Variants in P2RY14 observed in about 807,000 individuals in gnomAD.
P2RY14 encodes purinergic receptor P2Y14.
Under a neutral mutation model 0.9 loss-of-function variants are expected in P2RY14, and 2 were observed. That is an observed-to-expected ratio of 2.16 (90% CI 0.88 to 6.79). The LOEUF is 6.79. Among genes scored for constraint, P2RY14 ranks in the 30% most tolerant of loss-of-function variants. The pLI is 0.05. For synonymous variants in P2RY14, 158 were observed against 147.2 expected (o/e 1.07, Z -0.53); for missense variants, 378 against 400.1 (o/e 0.94, Z 0.47).
intron 1 of P2RY14, among the ~76,000 whole-genome samples, chr3:151,244,522 G>A (rs1260566198): frequency 2.0e-5 from 3 of 149,196 alleles, no homozygotes; most frequent in East Asian, 2.0e-4. Flanking sequence ...TGACTACTGG[G>A]TACATAACGA....
At chr3:151,220,482 G>T (rs958178058) in intron 1 of P2RY14, among the ~76,000 whole-genome samples, 1 of 152,140 alleles carries the variant, frequency 6.6e-6, no homozygotes, top group African/African-American at 2.4e-5. Flanking sequence ...GTTTGGCTCT[G>T]TGTCCCCACC....
At chr3:151,230,032 C>T (rs576619462) in intron 1 of P2RY14, among the ~76,000 whole-genome samples, 5 of 152,042 alleles carry the variant, frequency 3.3e-5, no homozygotes, top group South Asian at 2.1e-4. Flanking sequence ...TGCAGTGGTG[C>T]GATCTCAGCT....
At chr3:151,261,843 G>C (rs980364944) in intron 1 of P2RY14, among the ~76,000 whole-genome samples, 4 of 152,224 alleles carry the variant, frequency 2.6e-5, no homozygotes, top group Non-Finnish European at 2.9e-5. Context: ...TTGTGCCTCA[G>C]CCTCCCGAGT....
chr3:151,228,054 G>C (rs1395606310), intron 1 of P2RY14, among the ~76,000 whole-genome samples: 1 of 152,128 alleles, frequency 6.6e-6, no homozygotes, highest in Non-Finnish European at 1.5e-5. Flanking sequence ...TTTCTTGTTG[G>C]GGTCAGACCT....
intron 1 of P2RY14, among the ~76,000 whole-genome samples, chr3:151,248,711 C>G (rs1339776192): frequency 6.6e-6 from 1 of 152,050 alleles, no homozygotes; most frequent in Non-Finnish European, 1.5e-5. Context: ...TGGTTTATTA[C>G]TTGAATTTGG....
In P2RY14 at chr3:151,212,799, A is replaced by C. The variant is rs1422385493; in HGVS notation, c.*501T>G. ...GGTGTCAGCTTTTCCTGCTTCTTCA[A>C]ATCAGGAAAAAAACCTGACTTTTTA... On this transcript the variant is annotated 3_prime_UTR_variant, in exon 3 of 3. Coordinates refer to ENST00000309170, the MANE Select transcript of P2RY14 (RefSeq NM_014879.4). 2.0e-5 allele frequency: 3 copies of C among 152,028 alleles called. No homozygotes were observed. Among genetic ancestry groups the C allele is most frequent in the Non-Finnish European group, 2.9e-5 (2 of 68,024 alleles). The allele number at this position is 152,028 out of a possible 1,614,324, so 9.4% of individuals were successfully genotyped here.
At chr3:151,256,942 A>G (rs1179130409) in intron 1 of P2RY14, among the ~76,000 whole-genome samples, 1 of 151,810 alleles carries the variant, frequency 6.6e-6, no homozygotes, top group Admixed American at 6.6e-5. Flanking sequence ...CAAATCAAAT[A>G]TCACTTATCA....
In P2RY14 at chr3:151,213,159, T is replaced by C. The variant is rs1307296556; in HGVS notation, c.*141A>G. ...TGTTACAAAAAAGCATGGAAACTTATATTTGAATTTTATTGAACTAAATTG... is the reference window on the plus strand; with the variant it reads ...TGTTACAAAAAAGCATGGAAACTTACATTTGAATTTTATTGAACTAAATTG... On this transcript the variant is annotated 3_prime_UTR_variant, in exon 3 of 3. Transcript: ENST00000309170. The C allele has an allele frequency of 1.3e-5, 8 of 635,752 alleles. No homozygotes were observed. Among genetic ancestry groups the C allele is most frequent in the Middle Eastern group, 2.9e-4 (1 of 3,404 alleles). The allele number at this position is 635,752 out of a possible 1,614,324, so 39.4% of individuals were successfully genotyped here.
At chr3:151,253,524 T>C (rs540861529) in intron 1 of P2RY14, among the ~76,000 whole-genome samples, 5 of 152,320 alleles carry the variant, frequency 3.3e-5, no homozygotes, top group South Asian at 4.1e-4. Context: ...TTTATGTTCT[T>C]ACTGAGAATG....
At position 151,257,223 on chromosome 3, in the gene P2RY14, A is replaced by G. The variant is rs1244509450; in HGVS notation, c.-133+21064T>C. Among the ~76,000 whole-genome samples, 4 of 152,200 alleles carry G rather than the reference A, an allele frequency of 2.6e-5. No homozygotes were observed. The South Asian group carries it at 8.3e-4, about 31-fold the overall frequency. On this transcript the variant is annotated intron_variant, in intron 1 of 2. Coordinates refer to ENST00000309170, the MANE Select transcript of P2RY14 (RefSeq NM_014879.4). Reference sequence around the variant, plus strand: ...TCTTTCTCTGTACCACTTATTCTTCAGCTTCAGTGTAATTCTCAGTTTACT... The same window carrying G: ...TCTTTCTCTGTACCACTTATTCTTCGGCTTCAGTGTAATTCTCAGTTTACT...
chr3:151,240,967 G>T (rs1160446399), intron 1 of P2RY14, among the ~76,000 whole-genome samples: 3 of 151,144 alleles, frequency 2.0e-5, no homozygotes, highest in Non-Finnish European at 4.4e-5. Flanking sequence ...GGTGAAACAG[G>T]GGCAAGAATA....
intron 1 of P2RY14, among the ~76,000 whole-genome samples, chr3:151,264,517 C>T (rs1350934186): frequency 6.6e-6 from 1 of 152,228 alleles, no homozygotes; most frequent in East Asian, 1.9e-4. Context: ...GCGCACATCT[C>T]TAAGATAACC....
chr3:151,247,272 C>T (rs1735759372), intron 1 of P2RY14, among the ~76,000 whole-genome samples: 1 of 151,972 alleles, frequency 6.6e-6, no homozygotes, highest in African/African-American at 2.4e-5. Context: ...GGTATATACC[C>T]AAAGGATTAT....
intron 1 of P2RY14, among the ~76,000 whole-genome samples, chr3:151,236,057 CT>C (rs1269323653): frequency 6.6e-6 from 1 of 152,174 alleles, no homozygotes; most frequent in Non-Finnish European, 1.5e-5. Context: ...TCCTCTCCCC[CT>C]ATTCTTACAT....
chr3:151,269,369 C>T, intron 1 of P2RY14: 1 of 163,576 alleles, frequency 6.1e-6, no homozygotes, highest in Non-Finnish European at 1.3e-5. Context: ...CATTGCACTC[C>T]AGCCTGGGCA....
chr3:151,240,228 G>A (rs1733810452), intron 1 of P2RY14, among the ~76,000 whole-genome samples: 1 of 152,116 alleles, frequency 6.6e-6, no homozygotes, highest in South Asian at 2.1e-4. Context: ...TTCACTACCT[G>A]TGTACTGACA....
chr3:151,253,312 T>C lies in P2RY14; in HGVS notation c.-133+24975A>G, dbSNP rs1350617177. 5.3e-5 allele frequency among the ~76,000 whole-genome samples: 8 copies of C among 152,192 alleles called. No homozygotes were observed. In the East Asian group the frequency reaches 1.5e-3, roughly 29 times the overall value. On this transcript the variant is annotated intron_variant, in intron 1 of 2. Coordinates refer to ENST00000309170, the MANE Select transcript of P2RY14 (RefSeq NM_014879.4). ...AGTTTTGCACTGTGCCGGAAACCATTGACTGTCCCAGGGGCCTTCCGCTCT... is the reference window on the plus strand; with the variant it reads ...AGTTTTGCACTGTGCCGGAAACCATCGACTGTCCCAGGGGCCTTCCGCTCT...
Position 151,243,975 on chromosome 3 carries a change from T to C in P2RY14, c.-132-24333A>G, listed in dbSNP as rs1347503292. Among the ~76,000 whole-genome samples the C allele has an allele frequency of 2.2e-3, 314 of 144,340 alleles. 1 individual carries two copies. Among genetic ancestry groups the C allele is most frequent in the African/African-American group, 7.3e-3 (292 of 39,828 alleles). The allele number at this position is 144,340 out of a possible 152,430, so 94.7% of individuals were successfully genotyped here. A position where few individuals can be genotyped will look rare whatever the true frequency, so the allele number is the denominator to read the frequency against. ...AGGCAGGGGTTGCAATACTAGTCTCTGATAAAACAGACTTTAAACCAACAA... is the reference window on the plus strand; with the variant it reads ...AGGCAGGGGTTGCAATACTAGTCTCCGATAAAACAGACTTTAAACCAACAA... On this transcript the variant is annotated intron_variant, in intron 1 of 2. Transcript: ENST00000309170.
rs1727495713 is a variant in P2RY14 at position 151,213,313 on chromosome 3, GT to G, written c.1003del (p.Thr335GlnfsTer97). ...IKRGNTTLES[T>X]DTL ...GAGGGTAGGAACTCACAAAGTATCT[GT>G]GCTTTCAAGTGTTGTATTTCCTCTT... On this transcript the variant is annotated frameshift_variant, in exon 3 of 3. Transcript: ENST00000309170. LOFTEE classifies it high-confidence loss of function. The G allele has an allele frequency of 6.2e-7, 1 of 1,607,352 alleles. No homozygotes were observed.
Sources: allele counts gnomAD v4.1 joint callset (sites outside exome capture counted in the v4.1 genomes callset), GRCh38; gene constraint gnomAD v4.1.1; transcripts MANE v1.5; gene names NCBI Gene and HGNC (gene_info 2026-07-23, HGNC 2026-07-21).